DLC1: variants seen among roughly 807,000 people sequenced by gnomAD.
The protein encoded by DLC1 is rho GTPase-activating protein 7.
Under a neutral mutation model 140.3 loss-of-function variants are expected in DLC1, and 54 were observed. That is an observed-to-expected ratio of 0.38 (90% CI 0.31 to 0.48). DLC1 has a LOEUF of 0.48. Among genes scored for constraint, DLC1 ranks in the 20% least tolerant of loss-of-function variants. The probability of loss-of-function intolerance (pLI) is 0.96; values close to 1 mark genes in which losing one functional copy is unlikely to be tolerated. For synonymous variants in DLC1, 986 were observed against 728.1 expected (o/e 1.35, Z -5.70); for missense variants, 2,536 against 1,907.0 (o/e 1.33, Z -6.14).
intron 2 of DLC1, among the ~76,000 whole-genome samples, chr8:13,463,485 G>A (rs367661901): frequency 3.9e-5 from 6 of 152,046 alleles, no homozygotes; most frequent in Non-Finnish European, 7.4e-5. Flanking sequence ...TATTTCCTAC[G>A]GTGTTTTTCC....
At position 13,145,974 on chromosome 8, in the gene DLC1, T is replaced by C. The variant is rs1279403053; in HGVS notation, c.1349-30317A>G. ...ATTGTGCCTCATAATGTATATATCA[T>C]AGTCTCTTAAAATATACTGTAGGGC... On this transcript the variant is annotated intron_variant, in intron 5 of 17. Transcript: ENST00000276297. Among the ~76,000 whole-genome samples the C allele has an allele frequency of 3.9e-5, 6 of 152,178 alleles. No individual in the cohort carries two copies. In the East Asian group the frequency reaches 7.7e-4, roughly 20 times the overall value.
chr8:13,419,890 A>C (rs1315443815), intron 2 of DLC1, among the ~76,000 whole-genome samples: 1 of 152,032 alleles, frequency 6.6e-6, no homozygotes, highest in African/African-American at 2.4e-5. Flanking sequence ...ACAATTTCAG[A>C]TCCTGTTATT....
At chr8:13,112,634 G>C (rs1170954310) in intron 6 of DLC1, among the ~76,000 whole-genome samples, 3 of 152,170 alleles carry the variant, frequency 2.0e-5, no homozygotes, top group Admixed American at 6.5e-5. Flanking sequence ...ATGGAAACTG[G>C]AGCACTAGTA....
intron 1 of DLC1, among the ~76,000 whole-genome samples, chr8:13,575,255 C>G (rs974592838): frequency 2.6e-5 from 4 of 152,138 alleles, no homozygotes; most frequent in African/African-American, 9.7e-5. Flanking sequence ...AGTCATCCCA[C>G]TCAAAATTTG....
intron 4 of DLC1, among the ~76,000 whole-genome samples, chr8:13,386,497 C>A (rs1303085631): frequency 6.6e-6 from 1 of 151,890 alleles, no homozygotes; most frequent in Non-Finnish European, 1.5e-5. Flanking sequence ...GAGGAGGTGA[C>A]CGTGAAGATG....
intron 5 of DLC1, among the ~76,000 whole-genome samples, chr8:13,196,799 A>C (rs1827086499): frequency 6.6e-6 from 1 of 152,210 alleles, no homozygotes; most frequent in Non-Finnish European, 1.5e-5. Flanking sequence ...CTGTGAAGTC[A>C]ATTATAATCA....
At chr8:13,226,352 AAAGTAGTGCTGC>A (rs1828795417) in intron 5 of DLC1, among the ~76,000 whole-genome samples, 1 of 152,262 alleles carries the variant, frequency 6.6e-6, no homozygotes, top group Non-Finnish European at 1.5e-5. Context: ...AGACACAGAT[AAAGTAGTGCTGC>A]ATACATGATG....
intron 2 of DLC1, among the ~76,000 whole-genome samples, chr8:13,411,748 A>T (rs1837794115): frequency 6.6e-6 from 1 of 152,180 alleles, no homozygotes; most frequent in Non-Finnish European, 1.5e-5. Flanking sequence ...GAGACTAGAA[A>T]ATTTTTAGTG....
intron 5 of DLC1, among the ~76,000 whole-genome samples, chr8:13,235,658 T>C (rs889193676): frequency 4.6e-5 from 7 of 152,038 alleles, no homozygotes; most frequent in Admixed American, 2.0e-4. Context: ...TAGAGCTTTT[T>C]TTTTAGGTGA....
chr8:13,567,663 A>G (rs1002396317), intron 1 of DLC1: 17 of 1,551,840 alleles, frequency 1.1e-5, no homozygotes, highest in African/African-American at 5.5e-5. Context: ...TACTGGAGTC[A>G]TTTCTACTCC....
chr8:13,312,386 A>AAAAAAAAAAAAAAAAATAATAAT (rs71207139), intron 4 of DLC1, among the ~76,000 whole-genome samples: 25 of 81,704 alleles, frequency 3.1e-4, no homozygotes, highest in South Asian at 4.5e-4. Flanking sequence ...AAAAAAAAAA[A>AAAAAAAAAAAAAAAAATAATAAT]AATAATTTCT....
chr8:13,313,925 TA>T (rs1832772705), intron 4 of DLC1, among the ~76,000 whole-genome samples: 1 of 152,104 alleles, frequency 6.6e-6, no homozygotes, highest in African/African-American at 2.4e-5. Context: ...TCCTTTTAGG[TA>T]AGCCAGTGAT....
intron 1 of DLC1, among the ~76,000 whole-genome samples, chr8:13,540,636 T>A (rs1179445678): frequency 6.6e-6 from 1 of 152,198 alleles, no homozygotes; most frequent in Non-Finnish European, 1.5e-5. Context: ...GATCAATCAA[T>A]TTCCTATTAT....
intron 2 of DLC1, among the ~76,000 whole-genome samples, chr8:13,406,083 T>C (rs564748898): frequency 3.9e-4 from 58 of 148,792 alleles, no homozygotes; most frequent in African/African-American, 1.4e-3. Context: ...CTTGGCTCAC[T>C]GCAACCTCTG....
rs148019903 is a variant in DLC1 at position 13,177,633 on chromosome 8, A to T, written c.1349-61976T>A. On this transcript the variant is annotated intron_variant, in intron 5 of 17. Coordinates refer to ENST00000276297, the MANE Select transcript of DLC1 (RefSeq NM_182643.3). Reference sequence around the variant, plus strand: ...TTTGAAGGACATAACATACAGCAATACTGAGGTCTGCAAATGAAATTGTAA... The same window carrying T: ...TTTGAAGGACATAACATACAGCAATTCTGAGGTCTGCAAATGAAATTGTAA... Among the ~76,000 whole-genome samples the T allele has an allele frequency of 3.6e-3, 552 of 152,336 alleles. 4 individuals carry two copies. Among genetic ancestry groups the T allele is most frequent in the African/African-American group, 0.013 (537 of 41,574 alleles).
chr8:13,302,539 A>G (rs1832243716), intron 5 of DLC1, among the ~76,000 whole-genome samples: 1 of 152,206 alleles, frequency 6.6e-6, no homozygotes. Flanking sequence ...ACACAGAGCA[A>G]TCACACAACT....
At chr8:13,531,758 C>G (rs561512568) in intron 1 of DLC1, among the ~76,000 whole-genome samples, 1 of 152,226 alleles carries the variant, frequency 6.6e-6, no homozygotes, top group South Asian at 2.1e-4. Flanking sequence ...AAATAAATAT[C>G]AGTGCTATGT....
At chr8:13,249,265 G>T (rs1829900920) in intron 5 of DLC1, among the ~76,000 whole-genome samples, 1 of 152,034 alleles carries the variant, frequency 6.6e-6, no homozygotes, top group Admixed American at 6.6e-5. Flanking sequence ...TTTTAGTAGA[G>T]ACGAGTTTCA....
intron 5 of DLC1, among the ~76,000 whole-genome samples, chr8:13,178,689 C>T (rs756874494): frequency 4.7e-5 from 7 of 147,378 alleles, no homozygotes; most frequent in Admixed American, 2.0e-4. Context: ...ACAATGGTTT[C>T]GTATCCCCAA....
Sources: gnomAD v4.1 joint callset for allele counts (sites outside exome capture counted in the v4.1 genomes callset) on GRCh38, gnomAD v4.1.1 for gene constraint, MANE v1.5 for transcripts, NCBI Gene and HGNC (gene_info 2026-07-23, HGNC 2026-07-21) for gene names.